Variants in MOK observed in about 807,000 individuals in gnomAD.
MOK encodes the protein MOK protein kinase, also known as MAPK/MAK/MRK overlapping kinase.
A neutral mutation model predicts 54.2 loss-of-function variants in MOK; 59 were observed. The observed-to-expected ratio is 1.09, with a 90% CI of 0.88 to 1.35. The LOEUF is 1.35. Among genes scored for constraint, MOK ranks in the 40% most tolerant of loss-of-function variants. The pLI, the probability that MOK is intolerant of heterozygous loss-of-function variation, is 0.00. For synonymous variants in MOK, 210 were observed against 202.7 expected, an observed-to-expected ratio of 1.04 and a Z score of -0.31; for missense variants, 517 against 526.2, an observed-to-expected ratio of 0.98 and a Z score of 0.17.
downstream of MOK, chr14:102,224,783 G>GA: frequency 2.2e-6 from 1 of 456,052 alleles, no homozygotes; most frequent in Non-Finnish European, 4.4e-6. Context: ...CATGAACTAT[G>GA]GAGTGAGTCT....
chr14:102,276,154 G>C (rs886407941), intron 2 of MOK, among the ~76,000 whole-genome samples: 29 of 152,082 alleles, frequency 1.9e-4, no homozygotes, highest in African/African-American at 7.0e-4. Flanking sequence ...TGGGAATATG[G>C]AGCAACTGGA....
In MOK at chr14:102,245,688, C is replaced by T. The variant is rs1202612190; in HGVS notation, c.590+5124G>A. ...GATGATTCTCTTTTCGGACTCAGCC[C>T]GCCTGCACCCAGGTGAAATAAATAG... On this transcript the variant is annotated intron_variant, in intron 7 of 11. Transcript: ENST00000361847. This position sits in a 1 kb window ranked among gnomAD's most constrained non-coding sequence, Gnocchi z 4.3. 6.6e-6 allele frequency among the ~76,000 whole-genome samples: 1 copy of T among 152,116 alleles called. No homozygotes were observed. Among genetic ancestry groups the T allele is most frequent in the African/African-American group, 2.4e-5 (1 of 41,396 alleles).
downstream of MOK, among the ~76,000 whole-genome samples, chr14:102,224,036 G>GTTTTTTTTTTTTTTTTTTT (rs1184725386): frequency 7.2e-6 from 1 of 139,442 alleles, no homozygotes; most frequent in African/African-American, 2.7e-5. Context: ...GTTTACCTGA[G>GTTTTTTTTTTTTTTTTTTT]ATTTTTTTTT....
At chr14:102,253,623 G>A (rs2066703963) in intron 4 of MOK, among the ~76,000 whole-genome samples, 1 of 152,220 alleles carries the variant, frequency 6.6e-6, no homozygotes, top group East Asian at 1.9e-4. Context: ...CAGCTGCCCT[G>A]TACTCAGCAC....
At chr14:102,255,115 C>T (rs1169539197) in intron 4 of MOK, among the ~76,000 whole-genome samples, 2 of 151,986 alleles carry the variant, frequency 1.3e-5, no homozygotes, top group Admixed American at 1.3e-4. Context: ...GTCCGGAGAT[C>T]GAGACCATCC....
At chr14:102,252,769 G>A (rs910121019) in intron 4 of MOK, among the ~76,000 whole-genome samples, 1 of 152,124 alleles carries the variant, frequency 6.6e-6, no homozygotes, top group African/African-American at 2.4e-5. Context: ...CAGCAATAAT[G>A]TAACTATTAA....
At chr14:102,222,885 G>A (rs778768324), downstream of MOK, 47 of 1,613,996 alleles carry the variant, frequency 2.9e-5, no homozygotes, top group African/African-American at 6.7e-5. The surrounding 1 kb of genome is among the most constrained non-coding windows in gnomAD (Gnocchi z 4.4). Context: ...GTAGTGTAGC[G>A]ACCTCACTGC....
downstream of MOK, among the ~76,000 whole-genome samples, chr14:102,222,603 G>A (rs143244586): frequency 2.4e-4 from 36 of 152,282 alleles, no homozygotes; most frequent in Middle Eastern, 3.4e-3. The surrounding 1 kb of genome is among the most constrained non-coding windows in gnomAD (Gnocchi z 4.4). Flanking sequence ...TCTCTTGGAC[G>A]GTATTGAGGC....
intron 1 of MOK, among the ~76,000 whole-genome samples, chr14:102,294,947 G>A (rs576407625): frequency 6.6e-6 from 1 of 152,138 alleles, no homozygotes; most frequent in Non-Finnish European, 1.5e-5. Context: ...GGCTCTTCTA[G>A]TAGGCAGAAA....
intron 4 of MOK, among the ~76,000 whole-genome samples, chr14:102,259,485 C>T (rs1395382064): frequency 6.6e-6 from 1 of 152,200 alleles, no homozygotes; most frequent in Non-Finnish European, 1.5e-5. Flanking sequence ...GAGTTCAAAT[C>T]CCAGTTCTGC....
intron 1 of MOK, among the ~76,000 whole-genome samples, chr14:102,295,664 G>A (rs2071346915): frequency 6.6e-6 from 1 of 152,174 alleles, no homozygotes; most frequent in Non-Finnish European, 1.5e-5. Context: ...TCAGTGAAGA[G>A]GAGCTGTACA....
chr14:102,302,209 A>AT (rs2072295045), intron 1 of MOK, among the ~76,000 whole-genome samples: 1 of 148,464 alleles, frequency 6.7e-6, no homozygotes, highest in African/African-American at 2.5e-5. Context: ...AGTAGCTGGG[A>AT]TTACAGGCAC....
At chr14:102,300,744 G>C (rs1014315719) in intron 1 of MOK, among the ~76,000 whole-genome samples, 5 of 152,102 alleles carry the variant, frequency 3.3e-5, no homozygotes, top group Admixed American at 2.6e-4. Context: ...GCTTTATATA[G>C]ATGATTTCAC....
rs774508519 is a variant in MOK, at chr14:102,235,141, G to A, written c.591-1352C>T. 1 of 151,788 alleles carries A rather than the reference G, an allele frequency of 6.6e-6. No homozygotes were observed. The highest frequency in any genetic ancestry group is 1.5e-5 in the Non-Finnish European group (1 of 67,968). 9.4% of individuals were successfully genotyped at this position (151,788 alleles called of 1,614,324 possible). A position where few individuals can be genotyped will look rare whatever the true frequency, so the allele number is the denominator to read the frequency against. On this transcript the variant is annotated intron_variant, in intron 7 of 11. Coordinates refer to ENST00000361847, the MANE Select transcript of MOK (RefSeq NM_014226.3). This position sits in a 1 kb window ranked among gnomAD's most constrained non-coding sequence, Gnocchi z 4.4. ...CCAACCACCCCACCTCCGACTCTGA[G>A]TCCTCCCCATCTCCACCCCTTACTC... is the stretch of plus-strand genomic sequence containing the variant.
intron 4 of MOK, among the ~76,000 whole-genome samples, chr14:102,257,838 G>A (rs1010388240): frequency 9.9e-5 from 15 of 152,030 alleles, no homozygotes; most frequent in African/African-American, 1.4e-4. Flanking sequence ...TTAGCAGGGC[G>A]TGGTGGCACG....
At chr14:102,214,645 T>G in the MOK span, 1 of 984,156 alleles carries the variant, frequency 1.0e-6, no homozygotes, top group African/African-American at 1.7e-5. Flanking sequence ...TAGGCGACAC[T>G]GTATAAAATT....
In MOK at chr14:102,240,002, C is replaced by T. The variant is rs144365414; in HGVS notation, c.591-6213G>A. On this transcript the variant is annotated intron_variant, in intron 7 of 11. Transcript: ENST00000361847. This position sits in a 1 kb window ranked among gnomAD's most constrained non-coding sequence, Gnocchi z 5.4. ...GCCTGCAGTATACATCCAGATGGCCCGAAGCAAGTGAAGAATCACAAAAGA... is the reference window on the plus strand; with the variant it reads ...GCCTGCAGTATACATCCAGATGGCCTGAAGCAAGTGAAGAATCACAAAAGA... Among the ~76,000 whole-genome samples the T allele has an allele frequency of 2.6e-4, 40 of 152,288 alleles. 1 individual carries two copies. The highest frequency in any genetic ancestry group is 1.0e-3 in the South Asian group (5 of 4,824).
rs980238435 is a variant in MOK, at chr14:102,287,983, C to T, written c.8-4391G>A. On this transcript the variant is annotated intron_variant, in intron 1 of 11. Coordinates refer to ENST00000361847, the MANE Select transcript of MOK (RefSeq NM_014226.3). ...CCGAGTAGCTGGGATTACAGGCGCC[C>T]GCCACCGCGCCCGGCTAATTTTTTG... Among the ~76,000 whole-genome samples the T allele has an allele frequency of 2.2e-4, 33 of 151,470 alleles. 2 individuals are homozygous for T. Among genetic ancestry groups the T allele is most frequent in the Admixed American group, 1.6e-3 (24 of 15,194 alleles).
Position 102,231,642 on chromosome 14 carries a change from G to A in MOK, c.981+65C>T. On this transcript the variant is annotated intron_variant, in intron 10 of 11. Transcript: ENST00000361847. The surrounding 1 kb of genome is among the most constrained non-coding windows in gnomAD (Gnocchi z 4.4). ...GTGGCGTCCTCCTGAGAGAGACACA[G>A]GCCACCCGAGGGCATCCAGTCCCGG... 6.9e-7 allele frequency: 1 copy of A among 1,454,950 alleles called. No homozygotes were observed. Among genetic ancestry groups the A allele is most frequent in the Non-Finnish European group, 9.6e-7 (1 of 1,043,454 alleles). The allele number at this position is 1,454,950 out of a possible 1,614,324, so 90.1% of individuals were successfully genotyped here.
Sources: gnomAD v4.1 joint callset for allele counts (sites outside exome capture counted in the v4.1 genomes callset) on GRCh38, gnomAD v4.1.1 for gene constraint, Gnocchi (gnomAD v3.1) non-coding constraint, MANE v1.5 for transcripts, NCBI Gene and HGNC (gene_info 2026-07-23, HGNC 2026-07-21) for gene names.